The following TDRD9 variants were observed in gnomAD, a reference collection of about 807,000 sequenced individuals.
TDRD9 encodes the protein ATP-dependent RNA helicase TDRD9.
In TDRD9, 124 loss-of-function variants were observed where a neutral mutation model predicts 172.6. The observed-to-expected ratio is 0.72, with a 90% CI of 0.62 to 0.83. TDRD9 has a LOEUF of 0.83. Ranked by LOEUF, TDRD9 falls within the 40% of genes least tolerant of loss-of-function variation. TDRD9 has a pLI of 0.00. For synonymous variants in TDRD9, 619 were observed against 617.1 expected, an observed-to-expected ratio of 1.00 and a Z score of -0.05; for missense variants, 1,479 against 1,714.1, an observed-to-expected ratio of 0.86 and a Z score of 2.42.
chr14:104,042,579 C>A (rs575430249), intron 34 of TDRD9, among the ~76,000 whole-genome samples: 1 of 152,312 alleles, frequency 6.6e-6, no homozygotes, highest in African/African-American at 2.4e-5. Flanking sequence ...GACCTGACTT[C>A]CCTGTTTCTC....
At position 103,966,740 on chromosome 14, in the gene TDRD9, CCAGGCTAATTTATATGACAA is replaced by C. The variant is rs1845676513; in HGVS notation, c.676_695del (p.Arg226TrpfsTer9). On this transcript the variant is annotated frameshift_variant, in exon 5 of 36. Coordinates refer to ENST00000409874, the MANE Select transcript of TDRD9 (RefSeq NM_153046.3). LOFTEE classifies it high-confidence loss of function. ...CTAGAGAAAATAGCAACAGAGGACA[CCAGGCTAATTTATATGACAA>C]CTGGAGTCCTGCTTCAGAAAATAGT... 3.2e-6 allele frequency: 5 copies of C among 1,549,930 alleles called. No individual in the cohort carries two copies. Among genetic ancestry groups the C allele is most frequent in the Non-Finnish European group, 4.4e-6 (5 of 1,146,082 alleles).
intron 9 of TDRD9, among the ~76,000 whole-genome samples, chr14:103,993,793 A>C (rs2033959482): frequency 6.6e-6 from 1 of 152,232 alleles, no homozygotes; most frequent in Non-Finnish European, 1.5e-5. Context: ...TTTCCAAATA[A>C]CACCACCTTC....
At chr14:103,940,697 A>C in intron 1 of TDRD9, 1 of 687,498 alleles carries the variant, frequency 1.5e-6, no homozygotes, top group Non-Finnish European at 2.4e-6. Flanking sequence ...CTACATCCAC[A>C]GGATACTGAC....
In TDRD9 at chr14:103,994,620, G is replaced by A; in HGVS notation, c.1320+17G>A. The A allele has an allele frequency of 6.2e-7, 1 of 1,603,186 alleles. No individual in the cohort carries two copies. The highest frequency in any genetic ancestry group is 8.5e-7 in the Non-Finnish European group (1 of 1,172,588). On this transcript the variant is annotated intron_variant, in intron 11 of 35. Transcript: ENST00000409874. ...TACAGAAAGGTAGGAAAACTGGGAA[G>A]ACAAGTTCTAAGCACTTTAGGTAAA... is the stretch of plus-strand genomic sequence containing the variant.
chr14:104,008,326 T>G (rs753589132), intron 19 of TDRD9, 87 bp from the exon 20 acceptor site: 45 of 801,478 alleles, frequency 5.6e-5, no homozygotes, highest in Non-Finnish European at 8.4e-5. Context: ...ATCATTAAAT[T>G]TTTGGATGAA....
At chr14:103,955,191 C>CTGGGATTACAGGTGTGAACCACCA (rs2032136521) in intron 1 of TDRD9, among the ~76,000 whole-genome samples, 1 of 152,170 alleles carries the variant, frequency 6.6e-6, no homozygotes, top group Non-Finnish European at 1.5e-5. Context: ...TCCCAAAGTG[C>CTGGGATTACAGGTGTGAACCACCA]TGGGATTACA....
intron 1 of TDRD9, among the ~76,000 whole-genome samples, chr14:103,947,467 A>G (rs2152122882): frequency 6.6e-6 from 1 of 152,134 alleles, no homozygotes; most frequent in East Asian, 1.9e-4. Flanking sequence ...AGCTGGGACT[A>G]CAGGCGCCCG....
chr14:104,050,025 G>C, intron 35 of TDRD9: 1 of 217,890 alleles, frequency 4.6e-6, no homozygotes, highest in Non-Finnish European at 9.1e-6. Context: ...TGGCTTGGTG[G>C]CTTTCGGGCT....
chr14:103,967,387 C>T (rs761503463), intron 5 of TDRD9, among the ~76,000 whole-genome samples: 1 of 136,186 alleles, frequency 7.3e-6, no homozygotes, highest in Non-Finnish European at 1.6e-5. Flanking sequence ...TAGCTGGGTG[C>T]GGTGGCACAC....
Position 103,997,647 on chromosome 14 carries a change from C to T in TDRD9, c.1379-977C>T, listed in dbSNP as rs1416588823. ...CTGGCCAAGCTCTTCTGGGAGTGCACAGAGGGAGGGTGGCCCCGGTGTGTA... is the reference window on the plus strand; with the variant it reads ...CTGGCCAAGCTCTTCTGGGAGTGCATAGAGGGAGGGTGGCCCCGGTGTGTA... On this transcript the variant is annotated intron_variant, in intron 12 of 35. Coordinates refer to ENST00000409874, the MANE Select transcript of TDRD9 (RefSeq NM_153046.3). This position sits in a 1 kb window ranked among gnomAD's most constrained non-coding sequence, Gnocchi z 5.1. Among the ~76,000 whole-genome samples, 2 of 152,206 alleles carry T rather than the reference C, an allele frequency of 1.3e-5. No homozygotes were observed. Among genetic ancestry groups the T allele is most frequent in the Non-Finnish European group, 2.9e-5 (2 of 68,030 alleles).
At chr14:104,022,506 C>G (rs544777897) in intron 24 of TDRD9, among the ~76,000 whole-genome samples, 176 bp downstream of exon 24, 18 of 152,270 alleles carry the variant, frequency 1.2e-4, no homozygotes, top group African/African-American at 4.1e-4. Context: ...GCAGGCAGAT[C>G]ACTTGAGCCC....
chr14:103,982,397 A>G (rs1312135331), intron 7 of TDRD9, among the ~76,000 whole-genome samples: 2 of 152,058 alleles, frequency 1.3e-5, no homozygotes, highest in Admixed American at 6.6e-5. Flanking sequence ...CAGGGTCCCT[A>G]GTGACCTCCT....
At chr14:104,006,881 A>G (rs45492795) in intron 18 of TDRD9, 36 bp downstream of exon 18, 38 of 1,552,916 alleles carry the variant, frequency 2.4e-5, no homozygotes, top group Non-Finnish European at 3.3e-5. Context: ...GAAAGCAGCT[A>G]CCACAGATTG....
rs777060395 is a variant in TDRD9 at position 104,014,824 on chromosome 14, C to A, written c.2206C>A (p.Gln736Lys). The change falls in exon 21 of 36, where the codon CAG (glutamine) becomes AAG (lysine). Residue 736 changes from glutamine (Q) to lysine (K), a missense_variant. By Grantham distance (53) the Gln-to-Lys change is moderately conservative. Coordinates refer to ENST00000409874, the MANE Select transcript of TDRD9 (RefSeq NM_153046.3). ...CATGGACCAAGAGTATATATATAAG[C>A]AGCGATTCATCCTACAGGTGTGCTG... ...PVMDQEYIYK[Q>K]RFILQVVLAG... The A allele has an allele frequency of 2.5e-6, 4 of 1,602,504 alleles. No homozygotes were observed. In the Admixed American group the frequency reaches 5.0e-5, roughly 20 times the overall value.
At chr14:104,000,299 A>G (rs1351906925) in intron 13 of TDRD9, among the ~76,000 whole-genome samples, 1 of 148,300 alleles carries the variant, frequency 6.7e-6, no homozygotes, top group Non-Finnish European at 1.5e-5. Flanking sequence ...ACTGTACTCC[A>G]GCCTAGGTGA....
intron 33 of TDRD9, among the ~76,000 whole-genome samples, chr14:104,041,588 C>T (rs974030911): frequency 6.6e-6 from 1 of 152,180 alleles, no homozygotes; most frequent in Non-Finnish European, 1.5e-5. Flanking sequence ...AAAAGATGCT[C>T]AGCATCATAT....
At chr14:104,015,936 G>T in intron 21 of TDRD9, 45 bp from the exon 22 acceptor site, 1 of 1,372,316 alleles carries the variant, frequency 7.3e-7, no homozygotes, top group South Asian at 1.3e-5. Flanking sequence ...GAGAATAACT[G>T]ATAAAATAAT....
intron 1 of TDRD9, among the ~76,000 whole-genome samples, chr14:103,950,150 C>T (rs112489758): frequency 0.025 from 3,357 of 136,184 alleles, 75 homozygotes; most frequent in East Asian, 0.072. Context: ...AGTGCCGTGG[C>T]GCAATCTCAG....
At chr14:104,046,925 C>A (rs1028307424) in intron 34 of TDRD9, among the ~76,000 whole-genome samples, 1 of 152,186 alleles carries the variant, frequency 6.6e-6, no homozygotes, top group African/African-American at 2.4e-5. Context: ...GGATTACAGG[C>A]GTGAGCCACC....
Sources: gnomAD v4.1 joint callset for allele counts (sites outside exome capture counted in the v4.1 genomes callset) on GRCh38, gnomAD v4.1.1 for gene constraint, Gnocchi (gnomAD v3.1) non-coding constraint, MANE v1.5 for transcripts, NCBI Gene and HGNC (gene_info 2026-07-23, HGNC 2026-07-21) for gene names.